TENM1: variants seen among roughly 807,000 people sequenced by gnomAD.
The protein encoded by TENM1 is teneurin-1.
A neutral mutation model predicts 174.8 loss-of-function variants in TENM1; 35 were observed. That is an observed-to-expected ratio of 0.20 (90% CI 0.15 to 0.27). The LOEUF is 0.27. TENM1 is among the 10% of genes least tolerant of loss of function. TENM1 has a pLI of 1.00. For synonymous variants in TENM1, 781 were observed against 798.7 expected, an observed-to-expected ratio of 0.98 and a Z score of 0.37; for missense variants, 1,633 against 2,130.1, an observed-to-expected ratio of 0.77 and a Z score of 4.59.
In TENM1 at chrX:124,662,733, C is replaced by T. The variant is rs923585524; in HGVS notation, c.1168+8950G>A. Among the ~76,000 whole-genome samples the T allele has an allele frequency of 1.3e-4, 14 of 111,485 alleles. No homozygotes were observed. The East Asian group carries it at 2.0e-3, about 16-fold the overall frequency. On this transcript the variant is annotated intron_variant, in intron 6 of 31. Transcript: ENST00000422452. The stretch of plus-strand genomic sequence containing the variant: ...ATTTTTCTTGTTTTCCAAGGTCTGG[C>T]GCAAACTACTTCTCCAGAAACAGTC...
intron 11 of TENM1, among the ~76,000 whole-genome samples, chrX:124,622,974 T>C: frequency 8.9e-6 from 1 of 112,189 alleles, no homozygotes. Context: ...CCCTCTCTGA[T>C]GTAGAATGTA....
At chrX:124,966,649 G>T (rs761467558), upstream of TENM1, among the ~76,000 whole-genome samples, 10 of 104,601 alleles carry the variant, frequency 9.6e-5, no homozygotes, top group African/African-American at 3.5e-4. Flanking sequence ...GCGACAGAGC[G>T]AGACTCCGTC....
At chrX:124,411,021 T>A (rs1178086301) in intron 25 of TENM1, among the ~76,000 whole-genome samples, 4 of 112,032 alleles carry the variant, frequency 3.6e-5, no homozygotes, top group African/African-American at 1.3e-4. Flanking sequence ...AACTGGGCCA[T>A]CCATGCATAG....
the TENM1 span, among the ~76,000 whole-genome samples, chrX:125,084,387 T>C: frequency 3.6e-5 from 4 of 111,054 alleles, no homozygotes; most frequent in East Asian, 1.1e-3. Flanking sequence ...TATTTTTTTT[T>C]CTTTATGTCT....
intron 14 of TENM1, among the ~76,000 whole-genome samples, chrX:124,548,622 G>T (rs142573437): frequency 2.9e-3 from 320 of 111,897 alleles, no homozygotes; most frequent in Non-Finnish European, 4.6e-3. Context: ...TTTAACAAGG[G>T]TAAATATAAA....
chrX:124,671,721 G>A (rs780540102), exon 6 of TENM1: 1 of 1,205,264 alleles, frequency 8.3e-7, no homozygotes, highest in East Asian at 3.0e-5. Context: ...TCCTCCAATT[G>A]GAGAGTAAGT....
At chrX:124,795,709 C>CTT (rs375107115) in intron 3 of TENM1, among the ~76,000 whole-genome samples, 3 of 102,652 alleles carry the variant, frequency 2.9e-5, no homozygotes, top group East Asian at 6.1e-4. Context: ...GTGGCAGTTT[C>CTT]TTTTTTTTTT....
At chrX:124,615,425 G>A (rs2050376946) in intron 11 of TENM1, among the ~76,000 whole-genome samples, 1 of 111,404 alleles carries the variant, frequency 9.0e-6, no homozygotes, top group African/African-American at 3.3e-5. Context: ...TATCTTCTCT[G>A]TGCCTTAGTT....
intron 22 of TENM1, among the ~76,000 whole-genome samples, chrX:124,478,993 A>C (rs1311586493): frequency 8.9e-6 from 1 of 112,284 alleles, no homozygotes; most frequent in Non-Finnish European, 1.9e-5. Flanking sequence ...ATTTCATTTA[A>C]AGAGAATCTC....
chrX:124,716,411 T>C (rs1165039665), intron 4 of TENM1, among the ~76,000 whole-genome samples: 1 of 112,078 alleles, frequency 8.9e-6, no homozygotes, highest in Non-Finnish European at 1.9e-5. Context: ...ACTTCAAGGC[T>C]TGACCCCTAA....
intron 22 of TENM1, among the ~76,000 whole-genome samples, chrX:124,458,622 T>C (rs897160480): frequency 3.2e-4 from 36 of 112,820 alleles, no homozygotes; most frequent in African/African-American, 1.2e-3. Context: ...TTCAAACTAA[T>C]ATTCTGCTGA....
chrX:125,130,547 G>C, the TENM1 span, among the ~76,000 whole-genome samples: 1 of 110,669 alleles, frequency 9.0e-6, no homozygotes, highest in Non-Finnish European at 1.9e-5. Context: ...AATATTTTAT[G>C]ATTATAGCAA....
intron 5 of TENM1, among the ~76,000 whole-genome samples, chrX:124,695,708 A>T (rs1278433284): frequency 2.7e-5 from 3 of 111,983 alleles, no homozygotes; most frequent in African/African-American, 6.5e-5. Context: ...TTAGGCCAAA[A>T]TATGTCCCTA....
At chrX:125,013,086 C>T in the TENM1 span, among the ~76,000 whole-genome samples, 5 of 111,659 alleles carry the variant, frequency 4.5e-5, no homozygotes, top group Admixed American at 1.9e-4. Flanking sequence ...ACAGTTCTAT[C>T]TAGTGTTGGC....
chrX:125,126,629 G>A, the TENM1 span, among the ~76,000 whole-genome samples: 10 of 110,070 alleles, frequency 9.1e-5, no homozygotes, highest in Non-Finnish European at 1.9e-4. Flanking sequence ...AAGGCACCCT[G>A]CTGCCTTATA....
intron 11 of TENM1, among the ~76,000 whole-genome samples, chrX:124,606,382 T>C (rs1416238009): frequency 9.0e-6 from 1 of 111,543 alleles, no homozygotes. Flanking sequence ...CCATTGACTA[T>C]TTAAAGATAC....
At chrX:125,073,257 A>G in the TENM1 span, among the ~76,000 whole-genome samples, 1 of 111,388 alleles carries the variant, frequency 9.0e-6, no homozygotes, top group Non-Finnish European at 1.9e-5. Flanking sequence ...TGTGAGGTGT[A>G]GTGTCTGTGG....
chrX:124,657,798 T>C (rs945532079), intron 6 of TENM1, among the ~76,000 whole-genome samples: 2 of 111,662 alleles, frequency 1.8e-5, no homozygotes, highest in Non-Finnish European at 3.8e-5. Flanking sequence ...ATAACAGCAA[T>C]CTGAGTTGTA....
At chrX:124,707,723 A>C (rs2052944146) in intron 4 of TENM1, among the ~76,000 whole-genome samples, 1 of 112,383 alleles carries the variant, frequency 8.9e-6, no homozygotes, top group African/African-American at 3.2e-5. Flanking sequence ...TGAATAAACA[A>C]ACCCCAAAAG....
Sources: allele counts gnomAD v4.1 joint callset (sites outside exome capture counted in the v4.1 genomes callset), GRCh38; gene constraint gnomAD v4.1.1; transcripts MANE v1.5; gene names NCBI Gene and HGNC (gene_info 2026-07-23, HGNC 2026-07-21).